The following SRP9 variants were observed in gnomAD, a reference collection of about 807,000 sequenced individuals.
SRP9 encodes the protein signal recognition particle 9 kDa protein.
In SRP9, 2 loss-of-function variants were observed where a neutral mutation model predicts 11.7. That is an observed-to-expected ratio of 0.17 (90% CI 0.07 to 0.54). The LOEUF is 0.54. SRP9 is among the 20% of genes least tolerant of loss of function. SRP9 has a pLI of 0.94. For missense variants in SRP9, 54 were observed against 108.1 expected (o/e 0.50, Z 2.22); for synonymous variants, 27 against 35.6 (o/e 0.76, Z 0.86).
intron 1 of SRP9, among the ~76,000 whole-genome samples, chr1:225,779,546 A>T (rs911467502): frequency 1.3e-5 from 2 of 152,230 alleles, no homozygotes; most frequent in African/African-American, 4.8e-5. Flanking sequence ...CTCCAATGCC[A>T]CATACAGTTT....
chr1:225,781,399 T>TC (rs1559004778), intron 1 of SRP9, among the ~76,000 whole-genome samples: 6 of 138,934 alleles, frequency 4.3e-5, no homozygotes, highest in African/African-American at 1.3e-4. Context: ...CTTTTTCTTT[T>TC]TTTTTTTTTT....
rs1665994660 is a variant in SRP9 at position 225,789,966 on chromosome 1, TGTA to T, written c.*611_*613del. 1 of 152,402 alleles carries T rather than the reference TGTA, an allele frequency of 6.6e-6. No homozygotes were observed. The highest frequency in any genetic ancestry group is 6.5e-5 in the Admixed American group (1 of 15,312). 9.4% of individuals were successfully genotyped at this position (152,402 alleles called of 1,614,324 possible). On this transcript the variant is annotated 3_prime_UTR_variant, in exon 3 of 3. Transcript: ENST00000304786. ...AAACTACCTGTTAATATAAGGGATT[TGTA>T]GTATCAGCTTGTTGAGCAATGACTT...
chr1:225,781,304 C>G (rs778481277), intron 1 of SRP9, among the ~76,000 whole-genome samples: 2 of 150,560 alleles, frequency 1.3e-5, no homozygotes, highest in South Asian at 4.2e-4. Context: ...ATTTTTCTTT[C>G]TTTATGGCAT....
Position 225,778,073 on chromosome 1 carries a change from C to T in SRP9, c.72+61C>T, listed in dbSNP as rs929607733. The T allele has an allele frequency of 3.2e-5, 51 of 1,585,636 alleles. 3 individuals are homozygous for T. The South Asian group carries it at 5.7e-4, about 18-fold the overall frequency. On this transcript the variant is annotated intron_variant, in intron 1 of 2. Transcript: ENST00000304786. The stretch of plus-strand genomic sequence containing the variant: ...GCCCAGGATGTCTTCCCGCCATCCA[C>T]TCGGCCCCTGGAGCTTCCCCAGCGC...
At chr1:225,785,020 C>T (rs1327996609) in intron 2 of SRP9, among the ~76,000 whole-genome samples, 1 of 152,004 alleles carries the variant, frequency 6.6e-6, no homozygotes, top group Non-Finnish European at 1.5e-5. Flanking sequence ...AAGCAGTCCT[C>T]CCACTCAGCC....
Position 225,789,097 on chromosome 1 carries a change from C to G in SRP9, c.142-143C>G, listed in dbSNP as rs779983991. 5 of 1,551,278 alleles carry G rather than the reference C, an allele frequency of 3.2e-6. No individual in the cohort carries two copies. In the South Asian group the frequency reaches 5.9e-5, roughly 18 times the overall value. ...TGCTGGAGGCTTGGAAACTTGAGTG[C>G]AATTTCCCTAGTACGACCTCCAAGG... is the stretch of plus-strand genomic sequence containing the variant. On this transcript the variant is annotated intron_variant, in intron 2 of 2. Coordinates refer to ENST00000304786, the MANE Select transcript of SRP9 (RefSeq NM_003133.6).
chr1:225,784,484 C>CAA (rs1665860629), intron 2 of SRP9, among the ~76,000 whole-genome samples: 1 of 150,730 alleles, frequency 6.6e-6, no homozygotes, highest in African/African-American at 2.4e-5. Flanking sequence ...CTCCTGACCT[C>CAA]GTGATCCACC....
chr1:225,783,259 C>T, intron 1 of SRP9, 41 bp from the exon 2 acceptor site: 1 of 1,476,434 alleles, frequency 6.8e-7, no homozygotes, highest in Non-Finnish European at 9.4e-7. Context: ...TAAGAAATGT[C>T]ATTTGTCTTC....
At chr1:225,778,341 C>T (rs1665726212) in intron 1 of SRP9, among the ~76,000 whole-genome samples, 1 of 152,238 alleles carries the variant, frequency 6.6e-6, no homozygotes. Context: ...GCTTCCTGTC[C>T]TTTGTCTTGG....
At position 225,778,881 on chromosome 1, in the gene SRP9, CTTTTG is replaced by C. The variant is rs756163192; in HGVS notation, c.72+876_72+880del. ...TCAGACCTGGTTATGTATGATGCTT[CTTTTG>C]TTTTGTGTTTGTTGTAACTCAGTTA... is the stretch of plus-strand genomic sequence containing the variant. On this transcript the variant is annotated intron_variant, in intron 1 of 2. Coordinates refer to ENST00000304786, the MANE Select transcript of SRP9 (RefSeq NM_003133.6). 2.6e-4 allele frequency among the ~76,000 whole-genome samples: 40 copies of C among 152,298 alleles called. 1 individual carries two copies. In the East Asian group the frequency reaches 5.6e-3, roughly 21 times the overall value.
chr1:225,781,259 C>G (rs940325949), intron 1 of SRP9, among the ~76,000 whole-genome samples: 4 of 143,606 alleles, frequency 2.8e-5, no homozygotes, highest in African/African-American at 1.0e-4. Flanking sequence ...TTCATTCTGT[C>G]CTTGTGTTTT....
chr1:225,787,005 G>A (rs1400082947), intron 2 of SRP9: 2 of 347,514 alleles, frequency 5.8e-6, no homozygotes, highest in Non-Finnish European at 1.1e-5. Context: ...ACCACACTCA[G>A]CTAATTTTTA....
chr1:225,782,156 A>G (rs897960325), intron 1 of SRP9, among the ~76,000 whole-genome samples: 2 of 151,578 alleles, frequency 1.3e-5, no homozygotes, highest in African/African-American at 4.8e-5. Context: ...TTTTTATTTT[A>G]TTTTATTTTA....
intron 1 of SRP9, among the ~76,000 whole-genome samples, chr1:225,781,055 CTA>C (rs1450384882): frequency 1.3e-5 from 2 of 152,180 alleles, no homozygotes; most frequent in Non-Finnish European, 2.9e-5. Context: ...ATCTTCAGCT[CTA>C]GTCTCATGAA....
chr1:225,778,898 TTGTAACTCAGTTA>T (rs1665739997), intron 1 of SRP9, among the ~76,000 whole-genome samples: 1 of 152,252 alleles, frequency 6.6e-6, no homozygotes, highest in South Asian at 2.1e-4. Flanking sequence ...TTTGTGTTTG[TTGTAACTCAGTTA>T]TCTCTTTTAT....
At chr1:225,784,930 G>A (rs1317765164) in intron 2 of SRP9, among the ~76,000 whole-genome samples, 1 of 151,974 alleles carries the variant, frequency 6.6e-6, no homozygotes, top group Non-Finnish European at 1.5e-5. Flanking sequence ...AGAAATCTGG[G>A]GATTTTTTTT....
At chr1:225,788,628 C>G (rs896349949) in intron 2 of SRP9, among the ~76,000 whole-genome samples, 1 of 152,102 alleles carries the variant, frequency 6.6e-6, no homozygotes, top group African/African-American at 2.4e-5. Flanking sequence ...ATTGGCCAGG[C>G]TGGTTTCGAA....
intron 1 of SRP9, among the ~76,000 whole-genome samples, chr1:225,780,621 A>T (rs192667168): frequency 9.8e-5 from 15 of 152,308 alleles, no homozygotes; most frequent in Admixed American, 9.2e-4. Context: ...TAAGTGATAT[A>T]CCTAGTTTCT....
chr1:225,789,061 A>G, intron 2 of SRP9, 179 bp from the exon 3 acceptor site: 1 of 1,551,130 alleles, frequency 6.4e-7, no homozygotes, highest in African/African-American at 1.4e-5. Context: ...CTGTACTTTA[A>G]GACATGGAAT....
Sources: allele counts gnomAD v4.1 joint callset (sites outside exome capture counted in the v4.1 genomes callset), GRCh38; gene constraint gnomAD v4.1.1; transcripts MANE v1.5; gene names NCBI Gene and HGNC (gene_info 2026-07-23, HGNC 2026-07-21).